The following ST8SIA5 variants were observed in gnomAD, a reference collection of about 807,000 sequenced individuals.
ST8SIA5 encodes the protein ST8 alpha-N-acetyl-neuraminide alpha-2,8-sialyltransferase 5, also known as alpha-2,8-sialyltransferase 8E.
In ST8SIA5, 24 loss-of-function variants were observed where a neutral mutation model predicts 40.2. The ratio of observed to expected loss-of-function variants is 0.60; its 90% CI spans 0.43 to 0.84. The LOEUF (loss-of-function observed/expected upper bound fraction) is 0.84, where lower values mean the gene tolerates loss of function less well. Ranked by LOEUF, ST8SIA5 falls within the 40% of genes least tolerant of loss-of-function variation. The pLI is 0.00. For missense variants in ST8SIA5, 465 were observed against 498.5 expected (o/e 0.93, Z 0.64); for synonymous variants, 198 against 201.8 (o/e 0.98, Z 0.16).
At chr18:46,693,786 G>A (rs534781906) in intron 2 of ST8SIA5, among the ~76,000 whole-genome samples, 13 of 152,140 alleles carry the variant, frequency 8.5e-5, no homozygotes, top group South Asian at 4.2e-4. Context: ...TCAAATAGTC[G>A]CTCACCCTTC....
chr18:46,680,519 G>C lies in ST8SIA5; in HGVS notation c.663-9C>G. 1 of 1,567,072 alleles carries C rather than the reference G, an allele frequency of 6.4e-7. No individual in the cohort carries two copies. The highest frequency in any genetic ancestry group is 8.7e-7 in the Non-Finnish European group (1 of 1,152,648). On this transcript the variant is annotated splice_polypyrimidine_tract_variant and intron_variant, in intron 6 of 6. Transcript: ENST00000315087. ...TCTCCAGCTTGTGGAACCTACACAG[G>C]GCGCGAGTGAGAGGTGAGCACCCAC...
At chr18:46,700,773 T>A (rs2039605311) in intron 2 of ST8SIA5, among the ~76,000 whole-genome samples, 1 of 152,046 alleles carries the variant, frequency 6.6e-6, no homozygotes, top group Non-Finnish European at 1.5e-5. Flanking sequence ...AAGGCAGAGA[T>A]GAGAACCAAA....
rs1475077863 is a variant in ST8SIA5, at chr18:46,721,418, C to A, written c.132-16754G>T. On this transcript the variant is annotated intron_variant, in intron 1 of 6. Coordinates refer to ENST00000315087, the MANE Select transcript of ST8SIA5 (RefSeq NM_013305.6). ...CTGGATCATCCGTGACATTAAAGAG[C>A]CCCGTCCAATTGGTCAGCTGGTCAC... 13 of 1,535,998 alleles carry A rather than the reference C, an allele frequency of 8.5e-6. No homozygotes were observed. In the East Asian group the frequency reaches 2.7e-4, roughly 32 times the overall value.
intron 6 of ST8SIA5, among the ~76,000 whole-genome samples, chr18:46,681,563 AC>A (rs1486438399): frequency 6.6e-6 from 1 of 152,200 alleles, no homozygotes; most frequent in Non-Finnish European, 1.5e-5. Flanking sequence ...TACCTCCTGG[AC>A]ACAGCCAGGT....
chr18:46,736,355 A>G (rs1224645425), intron 1 of ST8SIA5, among the ~76,000 whole-genome samples: 1 of 152,128 alleles, frequency 6.6e-6, no homozygotes, highest in Non-Finnish European at 1.5e-5. Flanking sequence ...ACCAACCTGA[A>G]CTAAGAGGGG....
At chr18:46,721,660 G>A (rs544867173) in intron 1 of ST8SIA5, among the ~76,000 whole-genome samples, 12 of 152,316 alleles carry the variant, frequency 7.9e-5, no homozygotes, top group East Asian at 3.9e-4. Context: ...TGCTCTCTGC[G>A]GTTCTGCATC....
intron 1 of ST8SIA5, chr18:46,721,291 T>C (rs2039860086): frequency 7.3e-7 from 1 of 1,366,158 alleles, no homozygotes; most frequent in East Asian, 2.5e-5. Context: ...AAGTGGACAA[T>C]GTGGCAGGGG....
intron 1 of ST8SIA5, among the ~76,000 whole-genome samples, chr18:46,746,100 A>C (rs930312549): frequency 1.3e-5 from 2 of 152,204 alleles, no homozygotes; most frequent in African/African-American, 4.8e-5. Context: ...ACAAACCCAC[A>C]GCCAGTATCA....
intron 1 of ST8SIA5, among the ~76,000 whole-genome samples, chr18:46,732,851 G>A (rs763627123): frequency 6.7e-6 from 1 of 149,386 alleles, no homozygotes; most frequent in Non-Finnish European, 1.5e-5. Context: ...GTGTGAGAGA[G>A]TCCTGGGGGA....
rs2039321633 is a variant in ST8SIA5 at position 46,673,551 on chromosome 18, C to G, written c.*6491G>C. ...GCTGATTCCCAGGCGCCACCTCTCC[C>G]CCAGGTTCTCAGTCCATAGTTTTAA... On this transcript the variant is annotated 3_prime_UTR_variant, in exon 7 of 7. Transcript: ENST00000315087. 6.6e-6 allele frequency: 1 copy of G among 152,086 alleles called. No individual in the cohort carries two copies. Among genetic ancestry groups the G allele is most frequent in the Non-Finnish European group, 1.5e-5 (1 of 68,030 alleles). The allele number at this position is 152,086 out of a possible 1,614,324, so 9.4% of individuals were successfully genotyped here. A position where few individuals can be genotyped will look rare whatever the true frequency, so the allele number is the denominator to read the frequency against.
chr18:46,721,648 A>G (rs2039864787), intron 1 of ST8SIA5, among the ~76,000 whole-genome samples: 1 of 152,216 alleles, frequency 6.6e-6, no homozygotes, highest in African/African-American at 2.4e-5. Context: ...AGCCCTCTAC[A>G]GTGCTCTCTG....
At chr18:46,745,052 A>G (rs1444372066) in intron 1 of ST8SIA5, among the ~76,000 whole-genome samples, 1 of 152,258 alleles carries the variant, frequency 6.6e-6, no homozygotes, top group Non-Finnish European at 1.5e-5. Flanking sequence ...AATCTCTGGG[A>G]CACATTTAAA....
chr18:46,679,693 G>T lies in ST8SIA5; in HGVS notation c.*349C>A. On this transcript the variant is annotated 3_prime_UTR_variant, in exon 7 of 7. Coordinates refer to ENST00000315087, the MANE Select transcript of ST8SIA5 (RefSeq NM_013305.6). ...CAGCTGCAACAAGGGCCTGCAGTTT[G>T]TGCTCTCTCTCGGATGACAAAATTG... 3.2e-6 allele frequency: 1 copy of T among 315,936 alleles called. No homozygotes were observed. Among genetic ancestry groups the T allele is most frequent in the Non-Finnish European group, 6.0e-6 (1 of 167,840 alleles). The allele number at this position is 315,936 out of a possible 1,614,324, so 19.6% of individuals were successfully genotyped here.
chr18:46,680,415 C>A lies in ST8SIA5; in HGVS notation c.758G>T (p.Arg253Leu), dbSNP rs754129128. Residue 253 changes from arginine to leucine, a missense_variant, in exon 7 of 7, where the codon CGC becomes CTC. By Grantham distance (102) the Arg-to-Leu change is moderately radical. Transcript: ENST00000315087. ...GACGCGGATGGACACGTCGGTGTTGCGCGTGTTGTAGAAGGCAGGCAGCAG... is the reference window on the plus strand; with the variant it reads ...GACGCGGATGGACACGTCGGTGTTGAGCGTGTTGTAGAAGGCAGGCAGCAG... Reference protein sequence around the residue: ...SVLLPAFYNTRNTDVSIRVKY... With the variant: ...SVLLPAFYNTLNTDVSIRVKY... 6 of 1,613,220 alleles carry A rather than the reference C, an allele frequency of 3.7e-6. No individual in the cohort carries two copies. The South Asian group carries it at 4.4e-5, about 12-fold the overall frequency.
In ST8SIA5 at chr18:46,756,442, T is replaced by C; in HGVS notation, c.67A>G (p.Ile23Val). ...LGSRTLLFIF[I>V]CAFALVTLLQ... ...AAGGTCACCAAGGCAAAGGCGCAGA[T>C]GAAGATGAAGAGCAAAGTTCGGCTC... is the stretch of plus-strand genomic sequence containing the variant. Residue 23 changes from isoleucine to valine, a missense_variant, in exon 1 of 7, where the codon ATC becomes GTC. Coordinates refer to ENST00000315087, the MANE Select transcript of ST8SIA5 (RefSeq NM_013305.6). 6.2e-7 allele frequency: 1 copy of C among 1,613,244 alleles called. No homozygotes were observed. Among genetic ancestry groups the C allele is most frequent in the Non-Finnish European group, 8.5e-7 (1 of 1,179,358 alleles).
chr18:46,726,944 A>G (rs1361110955), intron 1 of ST8SIA5, among the ~76,000 whole-genome samples: 3 of 152,152 alleles, frequency 2.0e-5, no homozygotes, highest in African/African-American at 7.2e-5. Context: ...AACAACAAAA[A>G]ACAAGTGCTT....
At chr18:46,725,972 A>AAAAAATATAT (rs59660372) in intron 1 of ST8SIA5, among the ~76,000 whole-genome samples, 23 of 29,078 alleles carry the variant, frequency 7.9e-4, no homozygotes, top group African/African-American at 7.5e-4. Flanking sequence ...AAAAAAAAAA[A>AAAAAATATAT]ATATATATAT....
intron 1 of ST8SIA5, among the ~76,000 whole-genome samples, chr18:46,722,256 G>A (rs1188018956): frequency 1.3e-5 from 2 of 152,090 alleles, no homozygotes; most frequent in Admixed American, 6.5e-5. Flanking sequence ...TCTCCCCAAC[G>A]CCCTGTGAAT....
chr18:46,752,493 T>G (rs1409067522), intron 1 of ST8SIA5, among the ~76,000 whole-genome samples: 1 of 152,212 alleles, frequency 6.6e-6, no homozygotes, highest in East Asian at 1.9e-4. Context: ...CTCATTCACA[T>G]AGCACATGCT....
Sources: allele counts gnomAD v4.1 joint callset (sites outside exome capture counted in the v4.1 genomes callset), GRCh38; gene constraint gnomAD v4.1.1; transcripts MANE v1.5; gene names NCBI Gene and HGNC (gene_info 2026-07-23, HGNC 2026-07-21).